Variants in WWOX observed in about 807,000 individuals in gnomAD.
WWOX encodes WW domain-containing oxidoreductase.
WWOX carries 69 observed loss-of-function variants against 46.2 expected under a neutral mutation model. That is an observed-to-expected ratio of 1.49 (90% CI 1.23 to 1.82). WWOX has a LOEUF of 1.82. Ranked by LOEUF, WWOX falls within the 40% of genes most tolerant of loss-of-function variation. The pLI, the probability that WWOX is intolerant of heterozygous loss-of-function variation, is 0.00. For missense variants in WWOX, 919 were observed against 542.6 expected, an observed-to-expected ratio of 1.69 and a Z score of -6.89; for synonymous variants, 359 against 202.6, an observed-to-expected ratio of 1.77 and a Z score of -6.56.
chr16:79,050,030 C>T (rs752298249), intron 8 of WWOX, among the ~76,000 whole-genome samples: 96 of 152,014 alleles, frequency 6.3e-4, no homozygotes, highest in African/African-American at 2.3e-3. Flanking sequence ...CCCTGGAGGT[C>T]TGGAATGGGA....
At chr16:78,474,550 G>A (rs978118801) in intron 8 of WWOX, among the ~76,000 whole-genome samples, 1 of 152,158 alleles carries the variant, frequency 6.6e-6, no homozygotes, top group Admixed American at 6.5e-5. Flanking sequence ...ACGACAGTCC[G>A]TAAACTGCAC....
chr16:78,266,376 C>T (rs2079363091), intron 5 of WWOX, among the ~76,000 whole-genome samples: 1 of 152,216 alleles, frequency 6.6e-6, no homozygotes, highest in Admixed American at 6.5e-5. Context: ...TACTTTTGCA[C>T]TATGCCAGCA....
intron 4 of WWOX, among the ~76,000 whole-genome samples, chr16:78,144,134 T>C (rs1202697863): frequency 2.0e-5 from 3 of 152,058 alleles, no homozygotes; most frequent in Non-Finnish European, 4.4e-5. Flanking sequence ...TTACTACTGA[T>C]TATTGCGTTA....
At chr16:78,871,111 CAAAT>C (rs983544554) in intron 8 of WWOX, among the ~76,000 whole-genome samples, 1 of 150,658 alleles carries the variant, frequency 6.6e-6, no homozygotes, top group African/African-American at 2.4e-5. Flanking sequence ...TGTTGAATAT[CAAAT>C]GAATGAACAA....
chr16:78,521,709 T>A lies in WWOX; in HGVS notation c.1056+88957T>A, dbSNP rs111530331. 2.3e-3 allele frequency among the ~76,000 whole-genome samples: 349 copies of A among 152,340 alleles called. 6 individuals carry two copies. Among genetic ancestry groups the A allele is most frequent in the African/African-American group, 7.4e-3 (309 of 41,570 alleles). On this transcript the variant is annotated intron_variant, in intron 8 of 8. Coordinates refer to ENST00000566780, the MANE Select transcript of WWOX (RefSeq NM_016373.4). Reference sequence around the variant, plus strand: ...GATGGTTACCTTTCTAAGTGTCTTTTTATTTCACTAGTTCCAAAAGAGTAT... The same window carrying A: ...GATGGTTACCTTTCTAAGTGTCTTTATATTTCACTAGTTCCAAAAGAGTAT...
chr16:78,357,524 C>G (rs990496635), intron 5 of WWOX, among the ~76,000 whole-genome samples: 2 of 151,894 alleles, frequency 1.3e-5, no homozygotes, highest in East Asian at 3.9e-4. Flanking sequence ...TTATCATAAC[C>G]TTGATTTTTG....
At chr16:78,382,551 C>T (rs4128517) in intron 5 of WWOX, among the ~76,000 whole-genome samples, 3,886 of 152,234 alleles carry the variant, frequency 0.026, 60 homozygotes, top group African/African-American at 0.032. Context: ...ATCTTGTGAG[C>T]CATGCTAAGG....
intron 8 of WWOX, among the ~76,000 whole-genome samples, chr16:79,136,744 A>G (rs994801571): frequency 6.6e-6 from 1 of 152,242 alleles, no homozygotes; most frequent in Non-Finnish European, 1.5e-5. Context: ...GCTTCCTGAC[A>G]TATGGCAGGA....
chr16:78,725,842 G>A (rs2142367161), intron 8 of WWOX, among the ~76,000 whole-genome samples: 1 of 152,068 alleles, frequency 6.6e-6, no homozygotes, highest in East Asian at 1.9e-4. Context: ...TTGGCTTGTA[G>A]GTGCATCACT....
At chr16:78,827,975 T>G (rs2051710143) in intron 8 of WWOX, among the ~76,000 whole-genome samples, 1 of 152,134 alleles carries the variant, frequency 6.6e-6, no homozygotes, top group Non-Finnish European at 1.5e-5. Context: ...GGGACAGAGT[T>G]GCTGTTGAAA....
At chr16:79,208,339 A>C (rs974642846) in intron 8 of WWOX, among the ~76,000 whole-genome samples, 3 of 151,910 alleles carry the variant, frequency 2.0e-5, no homozygotes, top group African/African-American at 7.3e-5. Context: ...CATGATTAGC[A>C]ACCATATACA....
At chr16:78,490,287 T>C (rs1015146500) in intron 8 of WWOX, among the ~76,000 whole-genome samples, 1 of 126,528 alleles carries the variant, frequency 7.9e-6, no homozygotes, top group Non-Finnish European at 1.6e-5. Context: ...GTGCACAGTA[T>C]TGTTTAACAC....
intron 8 of WWOX, among the ~76,000 whole-genome samples, chr16:79,034,887 G>T (rs1483520640): frequency 6.6e-6 from 1 of 152,010 alleles, no homozygotes; most frequent in Non-Finnish European, 1.5e-5. Context: ...AAAAATAAAA[G>T]ATAATGGAAT....
chr16:78,447,405 C>G (rs967082994), intron 8 of WWOX, among the ~76,000 whole-genome samples: 2 of 152,198 alleles, frequency 1.3e-5, no homozygotes, highest in Non-Finnish European at 2.9e-5. Flanking sequence ...AGAAAATTGT[C>G]TTCCTTTTAC....
At chr16:78,567,761 A>C (rs150072558) in intron 8 of WWOX, among the ~76,000 whole-genome samples, 3 of 151,846 alleles carry the variant, frequency 2.0e-5, no homozygotes, top group African/African-American at 7.3e-5. Context: ...GAAAAGGACA[A>C]AGTTTTTCTC....
chr16:78,938,370 T>G (rs1048348213), intron 8 of WWOX, among the ~76,000 whole-genome samples: 1 of 152,128 alleles, frequency 6.6e-6, no homozygotes, highest in Non-Finnish European at 1.5e-5. Flanking sequence ...TGACAGTGTT[T>G]CCTGGGATGG....
Position 78,609,236 on chromosome 16 carries a change from G to A in WWOX, c.1056+176484G>A, listed in dbSNP as rs138898380. Among the ~76,000 whole-genome samples the A allele has an allele frequency of 1.6e-3, 249 of 152,252 alleles. 1 individual carries two copies. The highest frequency in any genetic ancestry group is 5.8e-3 in the African/African-American group (241 of 41,550). ...CATTGTTTCCTGACAGGTTTTTGGT[G>A]TTTGCATCTTGAAAGTAAAACTGCC... On this transcript the variant is annotated intron_variant, in intron 8 of 8. Transcript: ENST00000566780.
chr16:78,909,374 C>A (rs16948814), intron 8 of WWOX, among the ~76,000 whole-genome samples: 5 of 152,132 alleles, frequency 3.3e-5, no homozygotes, highest in African/African-American at 4.8e-5. Flanking sequence ...ATTCTCTGTT[C>A]AGCTGTTAAG....
chr16:79,071,014 C>G (rs1230467792), intron 8 of WWOX, among the ~76,000 whole-genome samples: 1 of 152,172 alleles, frequency 6.6e-6, no homozygotes, highest in Non-Finnish European at 1.5e-5. Flanking sequence ...GGAGTGTACT[C>G]TCGAGGGATG....
Sources: allele counts gnomAD v4.1 joint callset (sites outside exome capture counted in the v4.1 genomes callset), GRCh38; gene constraint gnomAD v4.1.1; transcripts MANE v1.5; gene names NCBI Gene and HGNC (gene_info 2026-07-23, HGNC 2026-07-21).